The following PIWIL2 variants were observed in gnomAD, a reference collection of about 807,000 sequenced individuals.
The protein encoded by PIWIL2 is piwi like RNA-mediated gene silencing 2.
PIWIL2 carries 81 observed loss-of-function variants against 116.5 expected under a neutral mutation model. The ratio of observed to expected loss-of-function variants is 0.70; its 90% CI spans 0.58 to 0.84. The LOEUF is 0.84. PIWIL2 is among the 40% of genes least tolerant of loss of function. The probability of loss-of-function intolerance (pLI) is 0.00; values close to 1 mark genes in which losing one functional copy is unlikely to be tolerated. For synonymous variants in PIWIL2, 489 were observed against 429.5 expected (o/e 1.14, Z -1.71); for missense variants, 1,272 against 1,212.3 (o/e 1.05, Z -0.73).
chr8:22,329,305 T>C (rs1376859795), intron 20 of PIWIL2, among the ~76,000 whole-genome samples: 2 of 152,190 alleles, frequency 1.3e-5, no homozygotes, highest in African/African-American at 2.4e-5. Flanking sequence ...TGAGACTGGA[T>C]AATTTATAAA....
chr8:22,278,253 G>T (rs770346661), intron 1 of PIWIL2, among the ~76,000 whole-genome samples: 25 of 152,136 alleles, frequency 1.6e-4, no homozygotes, highest in Non-Finnish European at 3.1e-4. Flanking sequence ...AGGTGCAGTG[G>T]CTCACACCTA....
At chr8:22,313,968 A>G (rs1039816556) in intron 16 of PIWIL2, among the ~76,000 whole-genome samples, 2 of 152,214 alleles carry the variant, frequency 1.3e-5, no homozygotes, top group African/African-American at 2.4e-5. Context: ...CAAAGAGAGT[A>G]GTAAAAAACA....
At chr8:22,338,268 A>G (rs867329267) in intron 20 of PIWIL2, among the ~76,000 whole-genome samples, 1 of 152,208 alleles carries the variant, frequency 6.6e-6, no homozygotes, top group African/African-American at 2.4e-5. Flanking sequence ...CAACGACAAC[A>G]CAAACCTGCC....
chr8:22,288,932 C>T (rs911593377), intron 8 of PIWIL2, among the ~76,000 whole-genome samples: 1 of 152,048 alleles, frequency 6.6e-6, no homozygotes, highest in Non-Finnish European at 1.5e-5. Context: ...ACTTTGAAAG[C>T]GGCTGTTGAT....
At chr8:22,342,990 C>T (rs1586595654) in intron 20 of PIWIL2, among the ~76,000 whole-genome samples, 1 of 152,098 alleles carries the variant, frequency 6.6e-6, no homozygotes, top group African/African-American at 2.4e-5. Context: ...TAGATAAGGC[C>T]GGGTGTGGTG....
rs527381137 is a variant in PIWIL2 at position 22,318,421 on chromosome 8, G to A, written c.2403+146G>A. 1.3e-4 allele frequency: 73 copies of A among 546,240 alleles called. No individual in the cohort carries two copies. In the South Asian group the frequency reaches 1.5e-3, roughly 11 times the overall value. The allele number at this position is 546,240 out of a possible 1,614,324, so 33.8% of individuals were successfully genotyped here. Reference sequence around the variant, plus strand: ...CAACCTCTGCCTCCTGGGTTCAAGCGGTTCTCCTGCCTCAGCCTTCCAAGT... The same window carrying A: ...CAACCTCTGCCTCCTGGGTTCAAGCAGTTCTCCTGCCTCAGCCTTCCAAGT... On this transcript the variant is annotated intron_variant, in intron 20 of 22. Transcript: ENST00000356766.
intron 16 of PIWIL2, among the ~76,000 whole-genome samples, chr8:22,311,516 T>G (rs903441289): frequency 6.6e-6 from 1 of 152,242 alleles, no homozygotes; most frequent in Admixed American, 6.5e-5. Flanking sequence ...TACTCTAGTC[T>G]TCTTTTTCTT....
intron 20 of PIWIL2, among the ~76,000 whole-genome samples, chr8:22,335,802 A>G (rs28522898): frequency 0.022 from 3,309 of 152,062 alleles, 126 homozygotes; most frequent in African/African-American, 0.075. Flanking sequence ...CAAGTGATCC[A>G]CCTGCCTCTG....
At chr8:22,277,798 A>C (rs941455536) in intron 1 of PIWIL2, among the ~76,000 whole-genome samples, 3 of 152,240 alleles carry the variant, frequency 2.0e-5, no homozygotes, top group African/African-American at 7.2e-5. Flanking sequence ...TTATGTAGGA[A>C]AGAGAGGCCA....
Position 22,281,435 on chromosome 8 carries a change from ACT to A in PIWIL2, c.351_352del (p.Pro118HisfsTer24). ...ATCTGGTACGCAAGGACAGGGAGGA[ACT>A]CTCTCCCACTTTTTGGGATCCAAAA... is the stretch of plus-strand genomic sequence containing the variant. ...ANLVRKDREELSPTFWDPKVL... is the reference protein window; with the variant it reads ...ANLVRKDREEXSPTFWDPKVL... On this transcript the variant is annotated frameshift_variant, in exon 4 of 23. Coordinates refer to ENST00000356766, the MANE Select transcript of PIWIL2 (RefSeq NM_018068.5). LOFTEE classifies it high-confidence loss of function. 1.2e-6 allele frequency: 2 copies of A among 1,604,570 alleles called. No homozygotes were observed. Among genetic ancestry groups the A allele is most frequent in the Non-Finnish European group, 1.7e-6 (2 of 1,177,874 alleles).
intron 20 of PIWIL2, among the ~76,000 whole-genome samples, chr8:22,346,996 C>T (rs564578483): frequency 4.0e-5 from 6 of 151,344 alleles, no homozygotes; most frequent in Admixed American, 6.6e-5. Flanking sequence ...CAACATAGAC[C>T]TCATATGTAT....
At chr8:22,348,293 C>G (rs1441522209) in intron 20 of PIWIL2, among the ~76,000 whole-genome samples, 2 of 152,146 alleles carry the variant, frequency 1.3e-5, no homozygotes, top group East Asian at 1.9e-4. Flanking sequence ...GAGCGAGACT[C>G]CATCTCAAAA....
chr8:22,314,953 T>C, intron 17 of PIWIL2, 76 bp from the exon 18 acceptor site: 1 of 760,412 alleles, frequency 1.3e-6, no homozygotes, highest in Non-Finnish European at 2.3e-6. Context: ...ATGTAATGTT[T>C]ACTTTAGAGT....
At chr8:22,330,169 A>G (rs1309724643) in intron 20 of PIWIL2, among the ~76,000 whole-genome samples, 6 of 151,994 alleles carry the variant, frequency 3.9e-5, no homozygotes, top group South Asian at 2.1e-4. Context: ...TATAATCTCA[A>G]CTGACATCGT....
chr8:22,322,393 G>A (rs1354774700), intron 20 of PIWIL2, among the ~76,000 whole-genome samples: 1 of 152,072 alleles, frequency 6.6e-6, no homozygotes, highest in Non-Finnish European at 1.5e-5. Flanking sequence ...TGGGACTGCA[G>A]GCACATACCA....
Position 22,353,026 on chromosome 8 carries a change from C to T in PIWIL2, c.2471C>T (p.Thr824Ile). Residue 824 changes from threonine (T) to isoleucine (I), a missense_variant, in exon 21 of 23, where the codon ACA becomes ATA. Physicochemically the swap from Thr to Ile is moderately conservative, Grantham distance 89. Coordinates refer to ENST00000356766, the MANE Select transcript of PIWIL2 (RefSeq NM_018068.5). ...RDGVSDGQLK[T>I]VANYEIPQLQ... ...GGAGTGTCTGATGGCCAACTGAAGA[C>T]AGTTGCCAACTATGAGATTCCTCAA... 1.9e-6 allele frequency: 3 copies of T among 1,613,606 alleles called. No homozygotes were observed. Among genetic ancestry groups the T allele is most frequent in the Non-Finnish European group, 2.5e-6 (3 of 1,179,496 alleles).
At chr8:22,321,422 C>A (rs1831596620) in intron 20 of PIWIL2, among the ~76,000 whole-genome samples, 1 of 151,952 alleles carries the variant, frequency 6.6e-6, no homozygotes, top group African/African-American at 2.4e-5. Context: ...CAAAAGGTTT[C>A]ATTTCTTTCA....
At chr8:22,322,146 T>A (rs768803115) in intron 20 of PIWIL2, among the ~76,000 whole-genome samples, 4 of 152,216 alleles carry the variant, frequency 2.6e-5, no homozygotes, top group Non-Finnish European at 4.4e-5. Context: ...TTGCTAGCTG[T>A]GTTACATAAA....
intron 20 of PIWIL2, among the ~76,000 whole-genome samples, chr8:22,329,969 C>T (rs923901896): frequency 3.3e-5 from 5 of 152,152 alleles, no homozygotes; most frequent in Admixed American, 1.3e-4. Context: ...GGGATGTGTC[C>T]GTTAATGTTT....
Sources: allele counts gnomAD v4.1 joint callset (sites outside exome capture counted in the v4.1 genomes callset), GRCh38; gene constraint gnomAD v4.1.1; transcripts MANE v1.5; gene names NCBI Gene and HGNC (gene_info 2026-07-23, HGNC 2026-07-21).